Variants in CMPK2 observed in about 807,000 individuals in gnomAD.
CMPK2 encodes the protein UMP-CMP kinase 2, mitochondrial.
A neutral mutation model predicts 33.4 loss-of-function variants in CMPK2; 32 were observed. That is an observed-to-expected ratio of 0.96 (90% CI 0.72 to 1.29). The LOEUF (loss-of-function observed/expected upper bound fraction) is 1.29, where lower values mean the gene tolerates loss of function less well. CMPK2 is among the 50% of genes most tolerant of loss of function. The pLI, the probability that CMPK2 is intolerant of heterozygous loss-of-function variation, is 0.00. For missense variants in CMPK2, 672 were observed against 616.0 expected, an observed-to-expected ratio of 1.09 and a Z score of -0.96; for synonymous variants, 299 against 275.3, an observed-to-expected ratio of 1.09 and a Z score of -0.85.
downstream of CMPK2, among the ~76,000 whole-genome samples, chr2:6,844,130 G>A (rs1390661185): frequency 6.6e-6 from 1 of 152,190 alleles, no homozygotes; most frequent in African/African-American, 2.4e-5. Context: ...GCCCCAGTTT[G>A]CCACAGTGGT....
intron 3 of CMPK2, among the ~76,000 whole-genome samples, chr2:6,853,880 C>T (rs942761216): frequency 3.3e-4 from 50 of 151,630 alleles, no homozygotes; most frequent in African/African-American, 1.0e-3. Context: ...CCAGCCTGGG[C>T]AACAGAGCGA....
intron 3 of CMPK2, among the ~76,000 whole-genome samples, chr2:6,852,470 G>A (rs1056082519): frequency 1.3e-5 from 2 of 152,120 alleles, no homozygotes; most frequent in African/African-American, 4.8e-5. Context: ...GTGAGAGTGA[G>A]GTTCTCAGCC....
At position 6,851,638 on chromosome 2, in the gene CMPK2, A is replaced by C. The variant is rs773552908; in HGVS notation, c.1038T>G (p.Ser346Arg). The C allele has an allele frequency of 3.7e-6, 6 of 1,613,944 alleles. No individual in the cohort carries two copies. The highest frequency in any genetic ancestry group is 5.1e-6 in the Non-Finnish European group (6 of 1,179,990). ...TATYAIATEV[S>R]GGLQHLPPAH... ...CTGGGGGCAGGTGCTGGAGACCCCC[A>C]CTCACCTCAGTGGCTATGGCATAGG... The change falls in exon 4 of 5, where the codon AGT becomes AGG. Residue 346 changes from serine (S) to arginine (R), a missense_variant. Physicochemically the swap from Ser to Arg is moderately radical, Grantham distance 110. Transcript: ENST00000256722.
Position 6,865,054 on chromosome 2 carries a change from C to A in CMPK2, c.643G>T (p.Asp215Tyr). 7.0e-7 allele frequency: 1 copy of A among 1,438,244 alleles called. No homozygotes were observed. Among genetic ancestry groups the A allele is most frequent in the South Asian group, 1.5e-5 (1 of 67,414 alleles). The allele number at this position is 1,438,244 out of a possible 1,614,324, so 89.1% of individuals were successfully genotyped here. ...PDLPSSVVFPDREAARAVLEE... is the reference protein window; with the variant it reads ...PDLPSSVVFPYREAARAVLEE... ...AAAACGGCCCGGGCGGCTTCCCGGT[C>A]CGGGAAGACCACGGAACTGGGCAAG... is the stretch of plus-strand genomic sequence containing the variant. Residue 215 changes from aspartate (D) to tyrosine (Y), a missense_variant, in exon 1 of 5, where the codon GAC becomes TAC. Asp to Tyr is a radical substitution (Grantham distance 160, BLOSUM62 -3). Transcript: ENST00000256722.
At chr2:6,866,139 G>A (rs751532420), upstream of CMPK2, 33 of 215,206 alleles carry the variant, frequency 1.5e-4, no homozygotes, top group Admixed American at 3.9e-4. Flanking sequence ...GAGGGGGGCG[G>A]GGGTGCACGC....
chr2:6,850,067 G>T, intron 4 of CMPK2, 94 bp from the exon 5 acceptor site: 4 of 926,740 alleles, frequency 4.3e-6, no homozygotes, highest in Non-Finnish European at 6.6e-6. Flanking sequence ...ATAGCTTGAA[G>T]CAAGCTTCCC....
At chr2:6,864,865 C>G (rs946633252) in intron 1 of CMPK2, among the ~76,000 whole-genome samples, 157 bp downstream of exon 1, 1 of 152,218 alleles carries the variant, frequency 6.6e-6, no homozygotes, top group Admixed American at 6.5e-5. Context: ...AAAAGAGTTG[C>G]CTGGCATACA....
intron 3 of CMPK2, among the ~76,000 whole-genome samples, chr2:6,857,701 C>A (rs1662754643): frequency 7.0e-6 from 1 of 143,794 alleles, no homozygotes; most frequent in Non-Finnish European, 1.5e-5. Context: ...GTGGCATGAT[C>A]TCAGCTCACT....
intron 2 of CMPK2, 90 bp downstream of exon 2, chr2:6,863,374 T>C (rs2103228616): frequency 9.1e-7 from 1 of 1,095,970 alleles, no homozygotes; most frequent in Non-Finnish European, 1.4e-6. Context: ...TAAGGCTCCA[T>C]ATAAAGTTTG....
chr2:6,860,095 G>A (rs527755927), intron 3 of CMPK2, among the ~76,000 whole-genome samples: 1 of 152,342 alleles, frequency 6.6e-6, no homozygotes, highest in Non-Finnish European at 1.5e-5. Context: ...CTTGCATGGA[G>A]CCTGTAGCCC....
chr2:6,853,850 C>T (rs1021678190), intron 3 of CMPK2, among the ~76,000 whole-genome samples: 11 of 151,716 alleles, frequency 7.3e-5, no homozygotes, highest in Non-Finnish European at 1.5e-4. Flanking sequence ...TGCAGTGAGC[C>T]GAGATCGCGC....
intron 3 of CMPK2, among the ~76,000 whole-genome samples, chr2:6,855,320 T>TCTGCCTCTGCCC (rs1558324124): frequency 2.2e-5 from 2 of 91,958 alleles, no homozygotes; most frequent in African/African-American, 5.7e-5. Context: ...CGCCTCTGCC[T>TCTGCCTCTGCCC]CTGCCCCTGC....
chr2:6,843,688 C>T (rs528247737), downstream of CMPK2, among the ~76,000 whole-genome samples: 2 of 152,160 alleles, frequency 1.3e-5, no homozygotes, highest in Admixed American at 6.5e-5. Context: ...TAGTAAAAGA[C>T]TGGGATGCTC....
chr2:6,862,552 C>T (rs1662913632), intron 2 of CMPK2, among the ~76,000 whole-genome samples: 1 of 152,190 alleles, frequency 6.6e-6, no homozygotes. Context: ...AAATGATCAA[C>T]AAAACACATC....
chr2:6,841,837 T>G (rs1662241434), intron 3 of CMPK2, among the ~76,000 whole-genome samples: 1 of 152,174 alleles, frequency 6.6e-6, no homozygotes, highest in South Asian at 2.1e-4. Context: ...GAAGGAAAAC[T>G]GAGGACAACA....
At chr2:6,847,991 A>T (rs1470008075), downstream of CMPK2, among the ~76,000 whole-genome samples, 2 of 152,232 alleles carry the variant, frequency 1.3e-5, no homozygotes, top group Non-Finnish European at 2.9e-5. Flanking sequence ...GCAAAGGGTT[A>T]CTTGCCATCA....
chr2:6,846,666 A>G (rs1049684532), downstream of CMPK2, among the ~76,000 whole-genome samples: 2 of 152,232 alleles, frequency 1.3e-5, no homozygotes, highest in African/African-American at 4.8e-5. Flanking sequence ...GACTGGAGTT[A>G]GTCCAAGGGC....
In CMPK2 at chr2:6,863,584, AAAC is replaced by A. The variant is rs1327300856; in HGVS notation, c.676-9_676-7del. 4.5e-5 allele frequency: 72 copies of A among 1,607,144 alleles called. No homozygotes were observed. The highest frequency in any genetic ancestry group is 1.1e-4 in the African/African-American group (8 of 74,588). On this transcript the variant is annotated splice_region_variant and splice_polypyrimidine_tract_variant and intron_variant, in intron 1 of 4. Coordinates refer to ENST00000256722, the MANE Select transcript of CMPK2 (RefSeq NM_207315.4). ...TCAGGAATAAAGGAGGTACACTGTA[AAAC>A]AACGTCTATCCATCAGCAATGAAGC...
chr2:6,848,215 A>G (rs1662412145), downstream of CMPK2: 1 of 374,454 alleles, frequency 2.7e-6, no homozygotes. Context: ...ACACCTTTCA[A>G]CTTCCTTTAC....
Sources: gnomAD v4.1 joint callset for allele counts (sites outside exome capture counted in the v4.1 genomes callset) on GRCh38, gnomAD v4.1.1 for gene constraint, MANE v1.5 for transcripts, NCBI Gene and HGNC (gene_info 2026-07-23, HGNC 2026-07-21) for gene names.